Variants in SLC47A2 observed in about 807,000 individuals in gnomAD.
SLC47A2 encodes the protein solute carrier family 47 member 2.
SLC47A2 carries 52 observed loss-of-function variants against 67.7 expected under a neutral mutation model. The observed-to-expected ratio is 0.77, with a 90% confidence interval of 0.61 to 0.97. SLC47A2 has a LOEUF of 0.97. Among genes scored for constraint, SLC47A2 ranks in the 50% least tolerant of loss-of-function variants. SLC47A2 has a pLI of 0.00. For missense variants in SLC47A2, 676 were observed against 712.3 expected, an observed-to-expected ratio of 0.95 and a Z score of 0.58; for synonymous variants, 278 against 292.9, an observed-to-expected ratio of 0.95 and a Z score of 0.52.
Position 19,713,875 on chromosome 17 carries a change from G to GA in SLC47A2, c.392dup (p.Asn132GlnfsTer138). ...AGAGCAGCAGGATGTGCTGGGTGTT[G>GA]AGGAAGAGCGCCCAGCAAGGGAGGC... On this transcript the variant is annotated frameshift_variant, in exon 4 of 17. Coordinates refer to ENST00000433844, the MANE Select transcript of SLC47A2 (RefSeq NM_001099646.3). LOFTEE classifies it high-confidence loss of function. The GA allele has an allele frequency of 6.2e-7, 1 of 1,613,766 alleles. No individual in the cohort carries two copies. Among genetic ancestry groups the GA allele is most frequent in the Non-Finnish European group, 8.5e-7 (1 of 1,179,932 alleles).
At chr17:19,681,756 C>T (rs1437514932) in intron 13 of SLC47A2, 86 bp from the exon 14 acceptor site, 12 of 1,492,202 alleles carry the variant, frequency 8.0e-6, no homozygotes, top group East Asian at 2.3e-5. Context: ...CTAAGCCATT[C>T]GCATGGCATT....
chr17:19,704,663 T>A lies in SLC47A2; in HGVS notation c.910-485A>T, dbSNP rs1389986984. ...CATGCAGATGCGTACCCGAGTGACA[T>A]GGGCTGCATAAGCAAGACGATGGCT... On this transcript the variant is annotated intron_variant, in intron 10 of 16. Transcript: ENST00000433844. The A allele has an allele frequency of 3.2e-6, 5 of 1,549,526 alleles. No individual in the cohort carries two copies. The Admixed American group carries it at 9.8e-5, about 30-fold the overall frequency.
intron 10 of SLC47A2, chr17:19,704,732 G>T: frequency 1.3e-6 from 2 of 1,539,936 alleles, no homozygotes; most frequent in Non-Finnish European, 1.8e-6. Context: ...CTGTGGTGGA[G>T]GAGAGCCCAT....
intron 4 of SLC47A2, 34 bp downstream of exon 4, chr17:19,713,791 C>A: frequency 6.3e-7 from 1 of 1,591,334 alleles, no homozygotes; most frequent in Non-Finnish European, 8.6e-7. Context: ...GGTTTCCCAG[C>A]AAGCCCCACC....
intron 8 of SLC47A2, 26 bp from the exon 9 acceptor site, chr17:19,706,787 A>C (rs772438502): frequency 1.3e-6 from 2 of 1,577,768 alleles, no homozygotes; most frequent in Non-Finnish European, 1.7e-6. Flanking sequence ...CCATGAGCTG[A>C]CAGCCTGCCC....
At position 19,678,611 on chromosome 17, in the gene SLC47A2, T is replaced by G. The variant is rs2085239879; in HGVS notation, c.*75A>C. On this transcript the variant is annotated 3_prime_UTR_variant, in exon 17 of 17. Coordinates refer to ENST00000433844, the MANE Select transcript of SLC47A2 (RefSeq NM_001099646.3). The stretch of plus-strand genomic sequence containing the variant: ...CACCTGCACTAGACCCCATTGGTGT[T>G]TTTGCAGGGCAGACCGTGGTGTGTT... 2.0e-6 allele frequency: 3 copies of G among 1,507,814 alleles called. No homozygotes were observed. The East Asian group carries it at 6.8e-5, about 34-fold the overall frequency. 93.4% of individuals were successfully genotyped at this position (1,507,814 alleles called of 1,614,324 possible).
intron 15 of SLC47A2, among the ~76,000 whole-genome samples, chr17:19,680,848 A>C (rs1363517530): frequency 1.3e-5 from 2 of 152,120 alleles, no homozygotes; most frequent in Admixed American, 6.6e-5. Context: ...GTTTCTGTTT[A>C]TAACTGCAGA....
In SLC47A2 at chr17:19,714,364, G is replaced by A. The variant is rs2086192278; in HGVS notation, c.294+357C>T. 5.3e-5 allele frequency: 22 copies of A among 415,264 alleles called. No individual in the cohort carries two copies. The South Asian group carries it at 6.5e-4, about 12-fold the overall frequency. The allele number at this position is 415,264 out of a possible 1,614,324, so 25.7% of individuals were successfully genotyped here. A position where few individuals can be genotyped will look rare whatever the true frequency, so the allele number is the denominator to read the frequency against. Reference sequence around the variant, plus strand: ...ACTGCAGGCCCCTGCAAGCAGGGAGGTTCCTTCTGTGTCCCCTTGGCCTTC... The same window carrying A: ...ACTGCAGGCCCCTGCAAGCAGGGAGATTCCTTCTGTGTCCCCTTGGCCTTC... On this transcript the variant is annotated intron_variant, in intron 3 of 16. Transcript: ENST00000433844.
At position 19,678,493 on chromosome 17, in the gene SLC47A2, C is replaced by T. The variant is rs765983516; in HGVS notation, c.*193G>A. Reference sequence around the variant, plus strand: ...TCACAGAAGAAAACTCCAGCTTGACCAGAACAGAATTGTCAAGTCTGTTCA... The same window carrying T: ...TCACAGAAGAAAACTCCAGCTTGACTAGAACAGAATTGTCAAGTCTGTTCA... On this transcript the variant is annotated 3_prime_UTR_variant, in exon 17 of 17. Coordinates refer to ENST00000433844, the MANE Select transcript of SLC47A2 (RefSeq NM_001099646.3). The T allele has an allele frequency of 2.0e-5, 12 of 609,570 alleles. No homozygotes were observed. The highest frequency in any genetic ancestry group is 3.5e-5 in the Non-Finnish European group (12 of 346,306). 37.8% of individuals were successfully genotyped at this position (609,570 alleles called of 1,614,324 possible). A position where few individuals can be genotyped will look rare whatever the true frequency, so the allele number is the denominator to read the frequency against.
chr17:19,692,914 C>T (rs974867999), intron 13 of SLC47A2, among the ~76,000 whole-genome samples: 5 of 152,024 alleles, frequency 3.3e-5, no homozygotes, highest in African/African-American at 1.2e-4. Flanking sequence ...AGGTGGATCA[C>T]GAGGTCAGGA....
intron 4 of SLC47A2, 31 bp downstream of exon 4, chr17:19,713,794 G>GCCCC: frequency 1.3e-6 from 2 of 1,593,338 alleles, no homozygotes; most frequent in Non-Finnish European, 1.7e-6. Context: ...TTCCCAGCAA[G>GCCCC]CCCCACCTCC....
chr17:19,705,762 T>C (rs868350644), intron 9 of SLC47A2, among the ~76,000 whole-genome samples: 2 of 152,146 alleles, frequency 1.3e-5, no homozygotes, highest in South Asian at 4.1e-4. Flanking sequence ...CACACCCAGC[T>C]AATTTTTGTA....
At chr17:19,700,102 G>A (rs553716553) in intron 13 of SLC47A2, among the ~76,000 whole-genome samples, 2 of 152,330 alleles carry the variant, frequency 1.3e-5, no homozygotes, top group South Asian at 4.1e-4. Flanking sequence ...GCCCAGGGCA[G>A]GAGATGGGAG....
At chr17:19,696,595 A>G (rs1230686868) in intron 13 of SLC47A2, among the ~76,000 whole-genome samples, 4 of 152,208 alleles carry the variant, frequency 2.6e-5, no homozygotes, top group Admixed American at 2.6e-4. Context: ...AGAGGCCCAG[A>G]ACAGATCCTT....
intron 15 of SLC47A2, among the ~76,000 whole-genome samples, chr17:19,680,738 G>A (rs934601679): frequency 3.3e-5 from 5 of 151,924 alleles, no homozygotes; most frequent in African/African-American, 1.2e-4. Flanking sequence ...CAAAGTCAAG[G>A]CACACGCTCG....
chr17:19,714,836 G>A, intron 2 of SLC47A2, 47 bp from the exon 3 acceptor site: 1 of 1,611,100 alleles, frequency 6.2e-7, no homozygotes, highest in Non-Finnish European at 8.5e-7. Flanking sequence ...GGTGAGGCCT[G>A]AAGAGAGGCC....
In SLC47A2 at chr17:19,716,447, G is replaced by A. The variant is rs748068666; in HGVS notation, c.109C>T (p.Leu37Phe). ...FGTEMWTLFA[L>F]SGPLFLFQVL... Reference sequence around the variant, plus strand: ...CTCCTCCTTACCAGGGGTCCAGAAAGGGCAAAGAGAGTCCACATCTCAGTC... The same window carrying A: ...CTCCTCCTTACCAGGGGTCCAGAAAAGGCAAAGAGAGTCCACATCTCAGTC... Residue 37 changes from leucine to phenylalanine, a missense_variant, in exon 1 of 17, where the codon CTT becomes TTT. Physicochemically the swap from Leu to Phe is conservative, Grantham distance 22 (BLOSUM62 0). Coordinates refer to ENST00000433844, the MANE Select transcript of SLC47A2 (RefSeq NM_001099646.3). The A allele has an allele frequency of 1.2e-6, 2 of 1,611,044 alleles. No homozygotes were observed. The highest frequency in any genetic ancestry group is 1.7e-6 in the Non-Finnish European group (2 of 1,178,732).
intron 13 of SLC47A2, among the ~76,000 whole-genome samples, chr17:19,684,813 C>T (rs1302212379): frequency 6.8e-6 from 1 of 147,894 alleles, no homozygotes; most frequent in East Asian, 1.9e-4. Flanking sequence ...ACTTTTCGCC[C>T]TCTCCCTCTC....
intron 5 of SLC47A2, among the ~76,000 whole-genome samples, chr17:19,712,322 G>A (rs2086122286): frequency 6.6e-6 from 1 of 152,086 alleles, no homozygotes; most frequent in African/African-American, 2.4e-5. Context: ...AGGAGGCGGA[G>A]GTTGCAGTGA....
Sources: gnomAD v4.1 joint callset for allele counts (sites outside exome capture counted in the v4.1 genomes callset) on GRCh38, gnomAD v4.1.1 for gene constraint, MANE v1.5 for transcripts, NCBI Gene and HGNC (gene_info 2026-07-23, HGNC 2026-07-21) for gene names.